Variants in HOOK3 observed in about 807,000 individuals in gnomAD.
The protein encoded by HOOK3 is protein Hook homolog 3.
Under a neutral mutation model 116.3 loss-of-function variants are expected in HOOK3, and 24 were observed. The ratio of observed to expected loss-of-function variants is 0.21; its 90% CI spans 0.15 to 0.29. The LOEUF (loss-of-function observed/expected upper bound fraction) is 0.29, where lower values mean the gene tolerates loss of function less well. Ranked by LOEUF, HOOK3 falls within the 10% of genes least tolerant of loss-of-function variation. HOOK3 has a pLI of 1.00. For missense variants in HOOK3, 632 were observed against 830.2 expected, an observed-to-expected ratio of 0.76 and a Z score of 2.93; for synonymous variants, 275 against 283.0, an observed-to-expected ratio of 0.97 and a Z score of 0.28.
rs368138416 is a variant in HOOK3, at chr8:43,010,412, A to G, written c.1839+7A>G. ...CTTAGAGAAAGCCAAAAGTGTAAGT[A>G]TGAATTTTGTAGGCATCTCACTCTA... On this transcript the variant is annotated splice_region_variant and intron_variant, in intron 19 of 21. Transcript: ENST00000307602. 2 of 1,269,264 alleles carry G rather than the reference A, an allele frequency of 1.6e-6. No individual in the cohort carries two copies. Among genetic ancestry groups the G allele is most frequent in the Non-Finnish European group, 2.2e-6 (2 of 927,444 alleles). The allele number at this position is 1,269,264 out of a possible 1,614,324, so 78.6% of individuals were successfully genotyped here. A position where few individuals can be genotyped will look rare whatever the true frequency, so the allele number is the denominator to read the frequency against.
chr8:42,980,205 G>A (rs936851437), intron 13 of HOOK3, among the ~76,000 whole-genome samples: 3 of 151,784 alleles, frequency 2.0e-5, no homozygotes, highest in South Asian at 2.1e-4. Context: ...CACCTGGCTC[G>A]GCCTCCCAAA....
intron 13 of HOOK3, among the ~76,000 whole-genome samples, chr8:42,979,960 CTTTTCTTTTTTT>C (rs1563306335): frequency 6.7e-6 from 1 of 148,414 alleles, no homozygotes; most frequent in African/African-American, 2.5e-5. Context: ...TTTTCTTTTT[CTTTTCTTTTTTT>C]TTTTTTTTGA....
At chr8:43,011,133 C>T (rs1809601671) in intron 19 of HOOK3, among the ~76,000 whole-genome samples, 1 of 152,044 alleles carries the variant, frequency 6.6e-6, no homozygotes, top group Non-Finnish European at 1.5e-5. Flanking sequence ...GCTAGGACTA[C>T]AGGCGCCTGC....
rs1586638410 is a variant in HOOK3, at chr8:43,021,536, C to T, written c.*3038C>T. 1 of 175,592 alleles carries T rather than the reference C, an allele frequency of 5.7e-6. No homozygotes were observed. The highest frequency in any genetic ancestry group is 1.0e-4 in the East Asian group (1 of 10,006). The allele number at this position is 175,592 out of a possible 1,614,324, so 10.9% of individuals were successfully genotyped here. ...CAGGCTGGTCTCAAACTCCTGACCTCGTGATCTACCCACCTCGGCCTCCCA... is the reference window on the plus strand; with the variant it reads ...CAGGCTGGTCTCAAACTCCTGACCTTGTGATCTACCCACCTCGGCCTCCCA... On this transcript the variant is annotated 3_prime_UTR_variant, in exon 22 of 22. Coordinates refer to ENST00000307602, the MANE Select transcript of HOOK3 (RefSeq NM_032410.4).
intron 16 of HOOK3, among the ~76,000 whole-genome samples, chr8:43,001,901 C>T (rs1160420021): frequency 6.6e-6 from 1 of 152,142 alleles, no homozygotes; most frequent in Admixed American, 6.6e-5. Flanking sequence ...GTGGGTATTT[C>T]ATACTGATTG....
At chr8:43,006,086 T>C (rs1361676284) in intron 17 of HOOK3, among the ~76,000 whole-genome samples, 6 of 151,700 alleles carry the variant, frequency 4.0e-5, no homozygotes, top group Non-Finnish European at 7.4e-5. Context: ...AGTGGTGTGA[T>C]CTCGGCTCAC....
chr8:42,938,935 C>T (rs1463968262), intron 4 of HOOK3, among the ~76,000 whole-genome samples: 1 of 152,076 alleles, frequency 6.6e-6, no homozygotes, highest in Non-Finnish European at 1.5e-5. Context: ...AGCATGCTGC[C>T]TTCAAGCATC....
At chr8:42,975,029 G>T (rs964290659) in intron 13 of HOOK3, among the ~76,000 whole-genome samples, 1 of 152,168 alleles carries the variant, frequency 6.6e-6, no homozygotes, top group Non-Finnish European at 1.5e-5. Flanking sequence ...CCTCCTTGGC[G>T]TAGCGACGGG....
intron 13 of HOOK3, among the ~76,000 whole-genome samples, chr8:42,977,994 C>T (rs762077428): frequency 1.3e-5 from 2 of 152,186 alleles, no homozygotes; most frequent in South Asian, 4.1e-4. Context: ...ATAATGGGCT[C>T]TGCTGCTAAC....
chr8:42,990,386 G>C (rs546573487), intron 15 of HOOK3, among the ~76,000 whole-genome samples: 2 of 117,050 alleles, frequency 1.7e-5, no homozygotes, highest in African/African-American at 6.5e-5. Flanking sequence ...CTTCACCCAG[G>C]CTGGAATGCA....
intron 4 of HOOK3, among the ~76,000 whole-genome samples, chr8:42,931,427 T>C (rs77031276): frequency 7.9e-6 from 1 of 126,762 alleles, no homozygotes. Flanking sequence ...TCTCTTCTCT[T>C]TTTTTTTTTT....
rs1809882445 is a variant in HOOK3 at position 43,023,789 on chromosome 8, G to A, written c.*5291G>A. ...ATTTCCTTTTCGAAAGTAGCAGTTT[G>A]GTTTATTCTCGTTTGCTAAGTAATT... On this transcript the variant is annotated 3_prime_UTR_variant, in exon 22 of 22. Transcript: ENST00000307602. 5.0e-6 allele frequency: 1 copy of A among 200,522 alleles called. No homozygotes were observed. The highest frequency in any genetic ancestry group is 6.0e-5 in the Admixed American group (1 of 16,608). The allele number at this position is 200,522 out of a possible 1,614,324, so 12.4% of individuals were successfully genotyped here.
At chr8:42,965,963 AAAC>A (rs1267061661) in intron 9 of HOOK3, among the ~76,000 whole-genome samples, 6 of 152,324 alleles carry the variant, frequency 3.9e-5, no homozygotes, top group Non-Finnish European at 7.3e-5. Flanking sequence ...TTCAGCCAAA[AAAC>A]AACATGTCAC....
chr8:42,972,785 A>T (rs1346374339), intron 11 of HOOK3, among the ~76,000 whole-genome samples: 1 of 151,836 alleles, frequency 6.6e-6, no homozygotes, highest in East Asian at 1.9e-4. Flanking sequence ...CTATTTGCTG[A>T]TTTGCTACCT....
chr8:42,897,495 C>T (rs958345233), intron 1 of HOOK3, among the ~76,000 whole-genome samples: 41 of 152,008 alleles, frequency 2.7e-4, no homozygotes, highest in Non-Finnish European at 5.9e-5. Context: ...GACTGCCCCG[C>T]GTCCAGGACC....
At chr8:42,943,989 A>G (rs1808176871) in intron 5 of HOOK3, among the ~76,000 whole-genome samples, 1 of 152,250 alleles carries the variant, frequency 6.6e-6, no homozygotes, top group Non-Finnish European at 1.5e-5. Flanking sequence ...AATCTGGCAG[A>G]TACTTTTCCT....
At chr8:43,002,444 TAGTA>T (rs1236178898) in intron 17 of HOOK3, among the ~76,000 whole-genome samples, 6 of 152,194 alleles carry the variant, frequency 3.9e-5, no homozygotes, top group Non-Finnish European at 8.8e-5. Flanking sequence ...AGGGGTCAGA[TAGTA>T]ATTGCTTTTT....
chr8:42,964,848 AAT>A (rs911432591), intron 9 of HOOK3, among the ~76,000 whole-genome samples: 12 of 152,150 alleles, frequency 7.9e-5, no homozygotes, highest in African/African-American at 2.7e-4. Flanking sequence ...AGAAAAAAAA[AAT>A]ATAATGTTAG....
chr8:42,978,247 AT>A (rs1808865613), intron 13 of HOOK3, among the ~76,000 whole-genome samples: 2 of 151,814 alleles, frequency 1.3e-5, no homozygotes, highest in Non-Finnish European at 2.9e-5. Context: ...TCAGATAACC[AT>A]TTTCTTTTTT....
Sources: gnomAD v4.1 joint callset for allele counts (sites outside exome capture counted in the v4.1 genomes callset) on GRCh38, gnomAD v4.1.1 for gene constraint, MANE v1.5 for transcripts, NCBI Gene and HGNC (gene_info 2026-07-23, HGNC 2026-07-21) for gene names.